Variants in IQCM observed in about 807,000 individuals in gnomAD.
The protein encoded by IQCM is IQ domain-containing protein M.
A neutral mutation model predicts 57.6 loss-of-function variants in IQCM; 45 were observed. That is an observed-to-expected ratio of 0.78 (90% CI 0.62 to 1.00). IQCM has a LOEUF of 1.00. IQCM is among the 50% of genes least tolerant of loss of function. The pLI is 0.00. For synonymous variants in IQCM, 148 were observed against 158.9 expected (o/e 0.93, Z 0.51); for missense variants, 468 against 511.6 (o/e 0.91, Z 0.82).
intron 11 of IQCM, among the ~76,000 whole-genome samples, 200 bp downstream of exon 11, chr4:149,552,943 C>G (rs1749175018): frequency 6.6e-6 from 1 of 152,156 alleles, no homozygotes; most frequent in Non-Finnish European, 1.5e-5. Context: ...CTTTGGATAG[C>G]TAAAATGAGT....
chr4:149,608,872 C>T (rs2150048449), intron 8 of IQCM, among the ~76,000 whole-genome samples: 1 of 150,998 alleles, frequency 6.6e-6, no homozygotes, highest in African/African-American at 2.4e-5. Context: ...AAATCAAAGC[C>T]AAAATTAATA....
At chr4:149,804,483 A>C (rs1773895184) in intron 2 of IQCM, among the ~76,000 whole-genome samples, 1 of 152,040 alleles carries the variant, frequency 6.6e-6, no homozygotes, top group Non-Finnish European at 1.5e-5. Context: ...AGAGTGACAG[A>C]CTGCCCTGTG....
intron 13 of IQCM, among the ~76,000 whole-genome samples, chr4:149,368,668 G>T (rs1314404023): frequency 1.3e-5 from 2 of 148,528 alleles, no homozygotes; most frequent in Non-Finnish European, 3.0e-5. Flanking sequence ...TTTTTTTGAG[G>T]CTTTAAGGGG....
chr4:149,794,131 GGAAAGAACCCA>G (rs1772894800), intron 2 of IQCM, among the ~76,000 whole-genome samples: 1 of 152,190 alleles, frequency 6.6e-6, no homozygotes, highest in Admixed American at 6.5e-5. Context: ...GTTGTGCCCA[GGAAAGAACCCA>G]GAAAGGATTT....
At chr4:149,615,323 T>C (rs1755692639) in intron 8 of IQCM, among the ~76,000 whole-genome samples, 2 of 152,162 alleles carry the variant, frequency 1.3e-5, no homozygotes, top group African/African-American at 4.8e-5. Context: ...GGAATTACAT[T>C]CCAGGTCTCA....
intron 5 of IQCM, among the ~76,000 whole-genome samples, chr4:149,694,817 C>G (rs1467763985): frequency 2.0e-5 from 3 of 152,158 alleles, no homozygotes; most frequent in Admixed American, 6.5e-5. Context: ...ACAAAACTTA[C>G]TACTGTGAAA....
At chr4:149,481,772 T>C (rs1300525340) in intron 12 of IQCM, among the ~76,000 whole-genome samples, 3 of 143,310 alleles carry the variant, frequency 2.1e-5, no homozygotes, top group Admixed American at 7.2e-5. Context: ...TGTGATTCCA[T>C]AAAAATTTTA....
intron 8 of IQCM, among the ~76,000 whole-genome samples, chr4:149,590,499 C>A (rs1033699644): frequency 2.6e-5 from 4 of 151,688 alleles, no homozygotes; most frequent in Admixed American, 1.3e-4. Context: ...ATGTACAGAA[C>A]GTGCAGATTT....
chr4:149,788,630 A>C (rs1466886375), intron 2 of IQCM, among the ~76,000 whole-genome samples: 1 of 152,214 alleles, frequency 6.6e-6, no homozygotes, highest in African/African-American at 2.4e-5. Context: ...ACAATCCAGA[A>C]GTCCCATTAC....
chr4:149,556,562 T>C (rs1315786024), intron 10 of IQCM, among the ~76,000 whole-genome samples: 1 of 151,458 alleles, frequency 6.6e-6, no homozygotes, highest in Non-Finnish European at 1.5e-5. Context: ...TCTAAGCATT[T>C]AGGTATGAAA....
At chr4:149,771,238 TCTA>T (rs1456401563) in intron 2 of IQCM, among the ~76,000 whole-genome samples, 4 of 152,026 alleles carry the variant, frequency 2.6e-5, no homozygotes, top group African/African-American at 4.8e-5. Flanking sequence ...CCCTTTTAAA[TCTA>T]CTGTTTTTAA....
At chr4:149,413,930 T>G (rs1445406852) in intron 13 of IQCM, among the ~76,000 whole-genome samples, 3 of 147,312 alleles carry the variant, frequency 2.0e-5, no homozygotes, top group South Asian at 2.1e-4. Context: ...TGCTATCAAC[T>G]CTCTTCTTCT....
intron 13 of IQCM, among the ~76,000 whole-genome samples, chr4:149,415,414 C>T (rs1733677075): frequency 6.6e-6 from 1 of 152,038 alleles, no homozygotes; most frequent in South Asian, 2.1e-4. Context: ...TATTGCTTGC[C>T]TCGGTATTAT....
chr4:149,663,442 C>A (rs1349174517), intron 7 of IQCM, among the ~76,000 whole-genome samples: 1 of 152,012 alleles, frequency 6.6e-6, no homozygotes, highest in Non-Finnish European at 1.5e-5. Flanking sequence ...TTGTTTACAG[C>A]TGTAATATTC....
chr4:149,445,643 A>G (rs949318866), intron 12 of IQCM, among the ~76,000 whole-genome samples: 2 of 151,752 alleles, frequency 1.3e-5, no homozygotes, highest in Non-Finnish European at 2.9e-5. Flanking sequence ...GGGCAGTAAA[A>G]CAAAAGGTTT....
At chr4:149,527,695 C>G (rs1326183054) in intron 12 of IQCM, among the ~76,000 whole-genome samples, 1 of 152,156 alleles carries the variant, frequency 6.6e-6, no homozygotes, top group African/African-American at 2.4e-5. Context: ...AAAAGAGAAA[C>G]TTGCCCAAGA....
intron 5 of IQCM, among the ~76,000 whole-genome samples, chr4:149,727,556 A>T (rs1171028680): frequency 6.6e-6 from 1 of 152,172 alleles, no homozygotes; most frequent in East Asian, 1.9e-4. Flanking sequence ...TTCTGAGTTG[A>T]CCATCATTAT....
intron 7 of IQCM, among the ~76,000 whole-genome samples, chr4:149,656,078 A>G (rs1759610207): frequency 6.6e-6 from 1 of 152,118 alleles, no homozygotes; most frequent in Admixed American, 6.6e-5. Flanking sequence ...TCTGATTTTA[A>G]TTCCCTCATC....
intron 5 of IQCM, among the ~76,000 whole-genome samples, chr4:149,704,093 T>G (rs1763976379): frequency 6.6e-6 from 1 of 151,952 alleles, no homozygotes; most frequent in Admixed American, 6.6e-5. Flanking sequence ...GCTACCCCAA[T>G]ATATGTAAAG....
Sources: gnomAD v4.1 joint callset for allele counts (sites outside exome capture counted in the v4.1 genomes callset) on GRCh38, gnomAD v4.1.1 for gene constraint, MANE v1.5 for transcripts, NCBI Gene and HGNC (gene_info 2026-07-23, HGNC 2026-07-21) for gene names.